MAGI2: variants seen among roughly 807,000 people sequenced by gnomAD.
The protein encoded by MAGI2 is membrane-associated guanylate kinase, WW and PDZ domain-containing protein 2.
MAGI2 carries 35 observed loss-of-function variants against 133.3 expected under a neutral mutation model. That is an observed-to-expected ratio of 0.26 (90% CI 0.20 to 0.35). The LOEUF (loss-of-function observed/expected upper bound fraction) is 0.35. Among genes scored for constraint, MAGI2 ranks in the 10% least tolerant of loss-of-function variants. MAGI2 has a pLI of 1.00. For missense variants in MAGI2, 1,636 were observed against 1,863.4 expected (o/e 0.88, Z 2.25); for synonymous variants, 729 against 710.6 (o/e 1.03, Z -0.41).
At chr7:78,395,529 T>A (rs543092978) in intron 6 of MAGI2, among the ~76,000 whole-genome samples, 1 of 152,326 alleles carries the variant, frequency 6.6e-6, no homozygotes, top group Non-Finnish European at 1.5e-5. Context: ...GAGGGGGTAG[T>A]CTGCATTTTA....
intron 1 of MAGI2, among the ~76,000 whole-genome samples, chr7:79,259,288 C>T (rs1241111970): frequency 6.6e-6 from 1 of 152,176 alleles, no homozygotes; most frequent in Non-Finnish European, 1.5e-5. Flanking sequence ...CAGTTCTTAA[C>T]ATATATTTTT....
intron 2 of MAGI2, among the ~76,000 whole-genome samples, chr7:78,638,107 G>A (rs1320510052): frequency 6.6e-6 from 1 of 151,812 alleles, no homozygotes; most frequent in East Asian, 1.9e-4. Flanking sequence ...AAAGAAAGCT[G>A]AACTCATCAC....
chr7:78,918,778 A>G (rs7801721), intron 2 of MAGI2, among the ~76,000 whole-genome samples: 16,266 of 152,134 alleles, frequency 0.11, 1,941 homozygotes, highest in African/African-American at 0.27. Context: ...TCAAAGTCAT[A>G]TAACCTCATT....
At chr7:79,121,327 C>A (rs1373550523) in intron 1 of MAGI2, among the ~76,000 whole-genome samples, 1 of 152,128 alleles carries the variant, frequency 6.6e-6, no homozygotes, top group Non-Finnish European at 1.5e-5. Flanking sequence ...AGACTTCTCC[C>A]TTTAGGCTCT....
At position 78,256,201 on chromosome 7, in the gene MAGI2, C is replaced by T. The variant is rs1275620017; in HGVS notation, c.1789G>A (p.Gly597Arg). The change falls in exon 10 of 22, where the codon GGG (glycine) becomes AGG (arginine). Residue 597 changes from glycine to arginine, a missense_variant. By Grantham distance (125) the Gly-to-Arg change is moderately radical (BLOSUM62 -2). This residue lies in a region of MAGI2 where 920 missense variants were observed against 1,093.5 expected (regional missense o/e 0.84). Transcript: ENST00000354212. ...HDDNVSMASS[G>R]ATQAELMTLT... ...GTCATAAGTTCAGCTTGGGTGGCCCCAGATGAAGCCATAGACACATTGTCA... is the reference window on the plus strand; with the variant it reads ...GTCATAAGTTCAGCTTGGGTGGCCCTAGATGAAGCCATAGACACATTGTCA... 1.2e-6 allele frequency: 2 copies of T among 1,613,902 alleles called. No individual in the cohort carries two copies.
chr7:78,813,803 AAC>A lies in MAGI2; in HGVS notation c.419-186566_419-186565del, dbSNP rs1563536564. On this transcript the variant is annotated intron_variant, in intron 2 of 21. Transcript: ENST00000354212. ...TCTGTCTCAAAAAAAAAAAAAAAAA[AAC>A]ACAAAAAGCAACAAAAAACTATCAG... is the stretch of plus-strand genomic sequence containing the variant. Among the ~76,000 whole-genome samples, 13 of 150,938 alleles carry A rather than the reference AAC, an allele frequency of 8.6e-5. No individual in the cohort carries two copies. The South Asian group carries it at 2.5e-3, about 29-fold the overall frequency.
chr7:78,791,093 G>GA (rs1304284684), intron 2 of MAGI2, among the ~76,000 whole-genome samples: 6 of 152,110 alleles, frequency 3.9e-5, no homozygotes, highest in Non-Finnish European at 5.9e-5. Context: ...GGTATGTTGA[G>GA]AAAAACAACA....
At chr7:78,264,364 G>A (rs1793796942) in intron 9 of MAGI2, among the ~76,000 whole-genome samples, 1 of 152,158 alleles carries the variant, frequency 6.6e-6, no homozygotes, top group South Asian at 2.1e-4. Flanking sequence ...ATTTTGAGTT[G>A]AGGACTCTTT....
chr7:78,616,136 A>G (rs1486485639), intron 3 of MAGI2: 1 of 152,252 alleles, frequency 6.6e-6, no homozygotes, highest in Non-Finnish European at 1.5e-5. Context: ...ATGTCCACAT[A>G]TTTACAAAGC....
rs561542476 is a variant in MAGI2 at position 78,427,441 on chromosome 7, G to A, written c.1046-58228C>T. Among the ~76,000 whole-genome samples the A allele has an allele frequency of 3.9e-5, 6 of 152,082 alleles. No homozygotes were observed. In the East Asian group the frequency reaches 5.8e-4, roughly 15 times the overall value. On this transcript the variant is annotated intron_variant, in intron 6 of 21. Transcript: ENST00000354212. ...CAGCAAAAGAAAGCCATACTGATACGAGGCAAACTAGACTTTAAGACAAGA... is the reference window on the plus strand; with the variant it reads ...CAGCAAAAGAAAGCCATACTGATACAAGGCAAACTAGACTTTAAGACAAGA...
chr7:78,158,737 C>T (rs1215627668), intron 16 of MAGI2, among the ~76,000 whole-genome samples: 4 of 152,170 alleles, frequency 2.6e-5, no homozygotes, highest in African/African-American at 7.2e-5. Context: ...CCGCTTCTTG[C>T]CTGGGGACCA....
At chr7:79,128,294 T>C (rs1287852080) in intron 1 of MAGI2, among the ~76,000 whole-genome samples, 1 of 152,174 alleles carries the variant, frequency 6.6e-6, no homozygotes, top group Non-Finnish European at 1.5e-5. Flanking sequence ...TAATCTTCCT[T>C]ACCAGACATG....
At chr7:78,061,316 A>T (rs1227697759) in intron 21 of MAGI2, among the ~76,000 whole-genome samples, 4 of 150,898 alleles carry the variant, frequency 2.7e-5, no homozygotes, top group African/African-American at 7.3e-5. Context: ...AATCCGGGGG[A>T]GTGGGCCTGA....
chr7:78,630,275 C>T (rs319862), intron 2 of MAGI2, among the ~76,000 whole-genome samples: 48,525 of 151,718 alleles, frequency 0.32, 8,216 homozygotes, highest in East Asian at 0.62. Context: ...AACCCTACTG[C>T]ACATACCACT....
intron 1 of MAGI2, among the ~76,000 whole-genome samples, chr7:79,306,178 T>C (rs1275209360): frequency 6.8e-6 from 1 of 146,380 alleles, no homozygotes; most frequent in Non-Finnish European, 1.5e-5. Flanking sequence ...GGTTTTAAAA[T>C]ATATATACAC....
rs533777249 is a variant in MAGI2, at chr7:78,048,905, G to A, written c.3707-28929C>T. 1.4e-4 allele frequency among the ~76,000 whole-genome samples: 22 copies of A among 151,796 alleles called. No individual in the cohort carries two copies. In the East Asian group the frequency reaches 4.3e-3, roughly 30 times the overall value. Reference sequence around the variant, plus strand: ...GGGTGGATCACAAGGACAGGAGATCGAGACCATCCTGGCCAACATGGTGAA... The same window carrying A: ...GGGTGGATCACAAGGACAGGAGATCAAGACCATCCTGGCCAACATGGTGAA... On this transcript the variant is annotated intron_variant, in intron 21 of 21. Transcript: ENST00000354212.
intron 1 of MAGI2, among the ~76,000 whole-genome samples, chr7:79,384,486 A>C (rs1844039669): frequency 6.6e-6 from 1 of 151,582 alleles, no homozygotes; most frequent in Non-Finnish European, 1.5e-5. Context: ...TTGCTATATA[A>C]CTTTTTCCAT....
At chr7:78,847,127 A>G (rs1455698130) in intron 2 of MAGI2, among the ~76,000 whole-genome samples, 1 of 152,078 alleles carries the variant, frequency 6.6e-6, no homozygotes, top group African/African-American at 2.4e-5. Flanking sequence ...CCTTATAATT[A>G]TCTGCGTTGA....
chr7:78,668,246 T>G (rs1813880184), intron 2 of MAGI2, among the ~76,000 whole-genome samples: 2 of 152,138 alleles, frequency 1.3e-5, no homozygotes, highest in South Asian at 4.1e-4. Context: ...GGTTGTTTGT[T>G]TTTTTCTTGT....
Sources: gnomAD v4.1 joint callset for allele counts (sites outside exome capture counted in the v4.1 genomes callset) on GRCh38, gnomAD v4.1.1 for gene constraint, gnomAD v4.1.1 regional missense constraint, MANE v1.5 for transcripts, NCBI Gene and HGNC (gene_info 2026-07-23, HGNC 2026-07-21) for gene names.